The following ZNF726 variants were observed in gnomAD, a reference collection of about 807,000 sequenced individuals.
The protein encoded by ZNF726 is zinc finger protein 92 pseudogene 3.
ZNF726 carries 15 observed loss-of-function variants against 11.6 expected under a neutral mutation model. That is an observed-to-expected ratio of 1.29 (90% CI 0.86 to 1.99). The LOEUF (loss-of-function observed/expected upper bound fraction) is 1.99, where lower values mean the gene tolerates loss of function less well. Among genes scored for constraint, ZNF726 ranks in the 30% most tolerant of loss-of-function variants. The pLI is 0.00. For synonymous variants in ZNF726, 295 were observed against 243.6 expected, an observed-to-expected ratio of 1.21 and a Z score of -1.96; for missense variants, 890 against 725.6, an observed-to-expected ratio of 1.23 and a Z score of -2.60.
At chr19:23,924,565 A>C (rs1191440996) in intron 3 of ZNF726, among the ~76,000 whole-genome samples, 2 of 152,096 alleles carry the variant, frequency 1.3e-5, no homozygotes, top group East Asian at 1.9e-4. Context: ...CATAACATAT[A>C]ATTTACCTTC....
At chr19:23,916,144 TC>T (rs1287785249) in intron 1 of ZNF726, among the ~76,000 whole-genome samples, 1 of 152,088 alleles carries the variant, frequency 6.6e-6, no homozygotes, top group Non-Finnish European at 1.5e-5. Context: ...TTCACAAGTG[TC>T]CCAAGCAGGG....
At chr19:23,915,196 T>G (rs1443743376) in intron 1 of ZNF726, among the ~76,000 whole-genome samples, 199 bp downstream of exon 1, 3 of 152,150 alleles carry the variant, frequency 2.0e-5, no homozygotes, top group Non-Finnish European at 4.4e-5. Context: ...GTTCTGTCTC[T>G]TCACTGCGCA....
intron 1 of ZNF726, among the ~76,000 whole-genome samples, chr19:23,918,269 A>G (rs948169443): frequency 6.6e-6 from 1 of 152,206 alleles, no homozygotes; most frequent in African/African-American, 2.4e-5. Flanking sequence ...AACTTAAGCA[A>G]GCTAAACTTT....
At chr19:23,935,666 T>A (rs1968218339), downstream of ZNF726, 4 of 296,076 alleles carry the variant, frequency 1.4e-5, no homozygotes, top group South Asian at 1.3e-4. Context: ...ATTGTTGCAC[T>A]TCATTGTATG....
intron 3 of ZNF726, among the ~76,000 whole-genome samples, chr19:23,940,759 AG>A (rs1435411007): frequency 6.6e-6 from 1 of 152,128 alleles, no homozygotes; most frequent in Non-Finnish European, 1.5e-5. Context: ...CTATTGTAAA[AG>A]GGGTTGAGTT....
At chr19:23,919,953 G>A in intron 2 of ZNF726, 34 bp from the exon 3 acceptor site, 1 of 1,460,450 alleles carries the variant, frequency 6.8e-7, no homozygotes, top group Non-Finnish European at 9.4e-7. Context: ...GAGAATATGA[G>A]CAAGATTCAT....
At chr19:23,924,796 G>A (rs968594588) in intron 3 of ZNF726, among the ~76,000 whole-genome samples, 1 of 151,960 alleles carries the variant, frequency 6.6e-6, no homozygotes, top group Non-Finnish European at 1.5e-5. Context: ...GAGAGTTTGA[G>A]GGTCAGGATT....
chr19:23,928,999 C>T (rs992500993), intron 3 of ZNF726: 5 of 151,884 alleles, frequency 3.3e-5, no homozygotes, highest in South Asian at 2.1e-4. Flanking sequence ...AGTTTTGCCG[C>T]GTTGCCAAGG....
At chr19:23,928,099 A>T (rs1235598636) in intron 3 of ZNF726, 1 of 152,194 alleles carries the variant, frequency 6.6e-6, no homozygotes, top group African/African-American at 2.4e-5. Context: ...GTTTATTAGA[A>T]GAACCTGGCT....
rs190753332 is a variant in ZNF726, at chr19:23,933,842, C to G, written c.1726C>G (p.Arg576Gly). ...TGAAGAATGTGGAAAAGCGTTTAAT[C>G]GATCCTCAAATCTTAGTACGCATAA... ...KCEECGKAFN[R>G]SSNLSTHKII... is the part of the protein sequence containing the mutation. Residue 576 changes from arginine to glycine, a missense_variant, in exon 4 of 4, where the codon CGA (arginine) becomes GGA (glycine). Transcript: ENST00000594466. The G allele has an allele frequency of 1.9e-6, 3 of 1,597,284 alleles. No individual in the cohort carries two copies. Among genetic ancestry groups the G allele is most frequent in the East Asian group, 4.5e-5 (2 of 44,056 alleles).
At chr19:23,919,916 C>T (rs932716117) in intron 2 of ZNF726, 71 bp from the exon 3 acceptor site, 5 of 1,035,204 alleles carry the variant, frequency 4.8e-6, no homozygotes, top group Non-Finnish European at 5.6e-6. Context: ...ATCCCTTTTA[C>T]TTTGCACATT....
chr19:23,937,372 C>T (rs1336930901), downstream of ZNF726, among the ~76,000 whole-genome samples: 3 of 151,336 alleles, frequency 2.0e-5, no homozygotes, highest in Non-Finnish European at 4.4e-5. Flanking sequence ...GGCGGAGGGG[C>T]TCCTCACTTC....
At chr19:23,941,424 A>G (rs1281753529) in intron 3 of ZNF726, among the ~76,000 whole-genome samples, 2 of 152,144 alleles carry the variant, frequency 1.3e-5, no homozygotes, top group Non-Finnish European at 2.9e-5. Flanking sequence ...TGTCAAGGAT[A>G]TTAATCTGTA....
Position 23,933,336 on chromosome 19 carries a change from A to T in ZNF726, c.1220A>T (p.His407Leu), listed in dbSNP as rs570937653. 8 of 1,608,420 alleles carry T rather than the reference A, an allele frequency of 5.0e-6. No individual in the cohort carries two copies. The highest frequency in any genetic ancestry group is 1.1e-5 in the South Asian group (1 of 90,854). Residue 407 changes from histidine (H) to leucine (L), a missense_variant, in exon 4 of 4, where the codon CAT (histidine) becomes CTT (leucine). His to Leu is a moderately conservative substitution (Grantham distance 99). Transcript: ENST00000594466. ...TGTGAAGAATGTGGCAAAGCTTTTC[A>T]TCGATCCTCAAATCTTACTAAACAT... ...YKCEECGKAF[H>L]RSSNLTKHKI... is the part of the protein sequence containing the mutation.
downstream of ZNF726, among the ~76,000 whole-genome samples, chr19:23,939,136 C>A (rs539948876): frequency 4.2e-4 from 63 of 151,532 alleles, no homozygotes; most frequent in Admixed American, 2.1e-3. Flanking sequence ...CTCTTCCCCC[C>A]CAAGTCTCCA....
downstream of ZNF726, among the ~76,000 whole-genome samples, chr19:23,936,575 G>A (rs1413469044): frequency 1.3e-5 from 2 of 151,984 alleles, no homozygotes; most frequent in African/African-American, 2.4e-5. Flanking sequence ...CTATGGAAAG[G>A]TAAGGACATT....
chr19:23,935,435 G>A (rs533179623), downstream of ZNF726: 14 of 519,312 alleles, frequency 2.7e-5, no homozygotes, highest in African/African-American at 1.9e-4. Context: ...CTACAGATAA[G>A]ATAACTCATA....
At chr19:23,918,389 G>A (rs184475384) in intron 1 of ZNF726, among the ~76,000 whole-genome samples, 17 of 152,194 alleles carry the variant, frequency 1.1e-4, no homozygotes, top group Non-Finnish European at 2.1e-4. Context: ...AAAACTGTCG[G>A]GAGATACCTG....
chr19:23,915,424 T>A (rs1967674003), intron 1 of ZNF726, among the ~76,000 whole-genome samples: 1 of 152,190 alleles, frequency 6.6e-6, no homozygotes. Context: ...TTAAATAATT[T>A]AAAGTGTGAT....
Sources: allele counts gnomAD v4.1 joint callset (sites outside exome capture counted in the v4.1 genomes callset), GRCh38; gene constraint gnomAD v4.1.1; transcripts MANE v1.5; gene names NCBI Gene and HGNC (gene_info 2026-07-23, HGNC 2026-07-21).